Variants in CFAP92 observed in about 807,000 individuals in gnomAD.
CFAP92 encodes the protein uncharacterized protein CFAP92.
CFAP92 carries 86 observed loss-of-function variants against 106.3 expected under a neutral mutation model. The ratio of observed to expected loss-of-function variants is 0.81; its 90% confidence interval spans 0.68 to 0.97. The LOEUF is 0.97. CFAP92 is among the 50% of genes least tolerant of loss of function. CFAP92 has a pLI of 0.00. For missense variants in CFAP92, 1,204 were observed against 1,283.8 expected, an observed-to-expected ratio of 0.94 and a Z score of 0.95; for synonymous variants, 477 against 506.4, an observed-to-expected ratio of 0.94 and a Z score of 0.78.
upstream of CFAP92, chr3:129,004,028 G>A: frequency 6.6e-7 from 1 of 1,509,964 alleles, no homozygotes; most frequent in South Asian, 1.2e-5. Context: ...ACAGGTGCCC[G>A]GCTTGCAGCG....
intron 1 of CFAP92, among the ~76,000 whole-genome samples, chr3:129,000,654 T>C (rs928403122): frequency 1.3e-5 from 2 of 152,218 alleles, no homozygotes; most frequent in Non-Finnish European, 2.9e-5. Context: ...TTTTTCTTCA[T>C]CTTCCAGAAA....
intron 4 of CFAP92, among the ~76,000 whole-genome samples, chr3:128,979,947 A>ATATATATATATATATATATATAT (rs1553758975): frequency 1.6e-5 from 2 of 128,306 alleles, no homozygotes; most frequent in African/African-American, 6.0e-5. Context: ...AAAGTATAAT[A>ATATATATATATATATATATATAT]ATATATATAT....
chr3:128,981,169 T>C (rs983135040), intron 4 of CFAP92, among the ~76,000 whole-genome samples: 3 of 151,628 alleles, frequency 2.0e-5, no homozygotes, highest in Admixed American at 2.0e-4. Context: ...CCCAAGGAGC[T>C]GGGACTACAG....
Position 128,945,358 on chromosome 3 carries a change from C to A in CFAP92, c.1971G>T (p.Gln657His). Residue 657 changes from glutamine (Q) to histidine (H), a missense_variant, in exon 10 of 16, where the codon CAG becomes CAT. Coordinates refer to ENST00000645291, the MANE Select transcript of CFAP92 (RefSeq NM_001394090.1). ...CAAAGACGAAGATGATGCGGCCAAA[C>A]TGGGAGCCCCCAAGGTCAGGATCAG... ...RAADPDLGGS[Q>H]FGRIIFVFDF... The A allele has an allele frequency of 6.5e-7, 1 of 1,536,170 alleles. No homozygotes were observed. Among genetic ancestry groups the A allele is most frequent in the Non-Finnish European group, 8.7e-7 (1 of 1,146,904 alleles).
chr3:128,956,192 A>T (rs13314070), intron 9 of CFAP92, among the ~76,000 whole-genome samples: 2 of 98,146 alleles, frequency 2.0e-5, no homozygotes, highest in Admixed American at 9.7e-5. Context: ...ATTAAAAAAA[A>T]AAATAAAAAA....
At chr3:128,978,601 A>G (rs1339370968) in intron 4 of CFAP92, among the ~76,000 whole-genome samples, 1 of 152,222 alleles carries the variant, frequency 6.6e-6, no homozygotes, top group Non-Finnish European at 1.5e-5. Context: ...TGGTACCAAA[A>G]CAGAGAAATA....
At chr3:128,920,946 A>G (rs1937225795) in intron 12 of CFAP92, among the ~76,000 whole-genome samples, 1 of 152,216 alleles carries the variant, frequency 6.6e-6, no homozygotes, top group South Asian at 2.1e-4. Context: ...ATATGCTTCA[A>G]AGAAAATTCT....
upstream of CFAP92, among the ~76,000 whole-genome samples, chr3:128,995,790 T>G (rs1944458103): frequency 6.6e-6 from 1 of 152,226 alleles, no homozygotes; most frequent in African/African-American, 2.4e-5. Flanking sequence ...GAGGCTTCAT[T>G]AAAGACCTGT....
chr3:128,915,307 G>GA (rs1936717053), intron 14 of CFAP92, 32 bp from the exon 15 acceptor site: 5 of 1,535,968 alleles, frequency 3.3e-6, no homozygotes, highest in Non-Finnish European at 4.4e-6. Context: ...ATCAGGAGGA[G>GA]AAAGGTCCCT....
chr3:129,020,506 C>T, the CFAP92 span, among the ~76,000 whole-genome samples: 1 of 152,110 alleles, frequency 6.6e-6, no homozygotes, highest in Non-Finnish European at 1.5e-5. Flanking sequence ...GCATGGTGGC[C>T]TGCACCTGTG....
chr3:128,943,032 G>C (rs1327241564), intron 10 of CFAP92, among the ~76,000 whole-genome samples: 1 of 145,764 alleles, frequency 6.9e-6, no homozygotes, highest in Non-Finnish European at 1.5e-5. Flanking sequence ...CGATTCTCCT[G>C]CCTCAGCCTC....
intron 9 of CFAP92, among the ~76,000 whole-genome samples, chr3:128,950,436 A>T (rs1283149440): frequency 1.3e-5 from 2 of 152,228 alleles, no homozygotes; most frequent in African/African-American, 4.8e-5. Context: ...AGGTGGAGTG[A>T]AACAAACAGG....
chr3:128,963,967 A>G (rs1942164804), intron 9 of CFAP92, among the ~76,000 whole-genome samples: 1 of 152,180 alleles, frequency 6.6e-6, no homozygotes, highest in Admixed American at 6.5e-5. Context: ...GTTCAAATAG[A>G]CACTTTCACT....
Position 128,977,063 on chromosome 3 carries a change from G to A in CFAP92, c.812C>T (p.Ser271Phe). 1 of 1,613,494 alleles carries A rather than the reference G, an allele frequency of 6.2e-7. No homozygotes were observed. The highest frequency in any genetic ancestry group is 8.5e-7 in the Non-Finnish European group (1 of 1,179,534). Residue 271 changes from serine to phenylalanine, a missense_variant, in exon 6 of 16, where the codon TCT (serine) becomes TTT (phenylalanine). Transcript: ENST00000645291. ...TEKHPKSLQG[S>F]HQAEPETSSK... Reference sequence around the variant, plus strand: ...AGAAGTTTCGGGCTCTGCTTGGTGAGAACCTGAAAACAGTAGCAAATATTT... The same window carrying A: ...AGAAGTTTCGGGCTCTGCTTGGTGAAAACCTGAAAACAGTAGCAAATATTT...
chr3:128,994,850 G>A (rs1330785413), upstream of CFAP92, among the ~76,000 whole-genome samples: 4 of 152,344 alleles, frequency 2.6e-5, no homozygotes, highest in African/African-American at 4.8e-5. Context: ...AATCTGGGGG[G>A]TGACTAGGCA....
intron 4 of CFAP92, among the ~76,000 whole-genome samples, chr3:128,980,677 T>C (rs1294167102): frequency 1.3e-5 from 2 of 152,218 alleles, no homozygotes; most frequent in Admixed American, 6.5e-5. Context: ...CTAAATCCTA[T>C]TGTCATTTCA....
At chr3:128,926,065 AAGT>A (rs1166490113) in intron 12 of CFAP92, among the ~76,000 whole-genome samples, 1 of 152,270 alleles carries the variant, frequency 6.6e-6, no homozygotes, top group African/African-American at 2.4e-5. Flanking sequence ...ATTTGAATAA[AAGT>A]AAAACACTGT....
At chr3:129,005,730 C>T (rs1945046770), upstream of CFAP92, among the ~76,000 whole-genome samples, 1 of 152,204 alleles carries the variant, frequency 6.6e-6, no homozygotes, top group Admixed American at 6.5e-5. Flanking sequence ...GAGAAGCTCA[C>T]AGCTGGGAGA....
At chr3:128,924,049 C>T (rs1185563681) in intron 12 of CFAP92, among the ~76,000 whole-genome samples, 7 of 152,174 alleles carry the variant, frequency 4.6e-5, no homozygotes, top group South Asian at 4.1e-4. Flanking sequence ...GAAGCCACCT[C>T]GGGAGAGACA....
Sources: allele counts gnomAD v4.1 joint callset (sites outside exome capture counted in the v4.1 genomes callset), GRCh38; gene constraint gnomAD v4.1.1; transcripts MANE v1.5; gene names NCBI Gene and HGNC (gene_info 2026-07-23, HGNC 2026-07-21).